Variants in BIVM observed in about 807,000 individuals in gnomAD.
BIVM encodes the protein basic, immunoglobulin-like variable motif containing.
Under a neutral mutation model 61.4 loss-of-function variants are expected in BIVM, and 31 were observed. That is an observed-to-expected ratio of 0.51 (90% CI 0.38 to 0.68). The LOEUF is 0.68. BIVM is among the 30% of genes least tolerant of loss of function. The probability of loss-of-function intolerance (pLI) is 0.00; values close to 1 mark genes in which losing one functional copy is unlikely to be tolerated. For missense variants in BIVM, 526 were observed against 596.0 expected (o/e 0.88, Z 1.22); for synonymous variants, 189 against 210.7 (o/e 0.90, Z 0.89).
At chr13:102,809,728 C>T (rs188209072) in intron 3 of BIVM, among the ~76,000 whole-genome samples, 19 of 151,952 alleles carry the variant, frequency 1.3e-4, no homozygotes, top group African/African-American at 3.9e-4. Context: ...AGTACATTTA[C>T]GTTGTTGTGC....
intron 3 of BIVM, among the ~76,000 whole-genome samples, chr13:102,809,255 A>G (rs980491950): frequency 2.6e-5 from 4 of 152,156 alleles, no homozygotes; most frequent in Non-Finnish European, 4.4e-5. Flanking sequence ...TTCCTTTGCA[A>G]TTTATTCTTT....
chr13:102,813,689 T>C (rs1456660389), intron 3 of BIVM, among the ~76,000 whole-genome samples: 1 of 152,166 alleles, frequency 6.6e-6, no homozygotes, highest in East Asian at 1.9e-4. Context: ...GCAACTCTGG[T>C]ATATTCCTTC....
intron 9 of BIVM, among the ~76,000 whole-genome samples, chr13:102,838,275 G>A (rs1033448809): frequency 3.9e-5 from 6 of 152,106 alleles, no homozygotes; most frequent in South Asian, 2.1e-4. Context: ...CTGCACAATT[G>A]TGTTGTCTCC....
intron 4 of BIVM, among the ~76,000 whole-genome samples, chr13:102,818,397 G>T (rs144680921): frequency 1.3e-5 from 2 of 152,274 alleles, no homozygotes; most frequent in East Asian, 1.9e-4. Flanking sequence ...AGCCATGGAC[G>T]ATTTCTTAAC....
intron 3 of BIVM, among the ~76,000 whole-genome samples, chr13:102,812,791 T>C (rs1879590463): frequency 6.6e-6 from 1 of 152,086 alleles, no homozygotes; most frequent in African/African-American, 2.4e-5. Context: ...GTTGCTTCTG[T>C]TGTAGTGGGA....
In BIVM at chr13:102,838,695, A is replaced by T; in HGVS notation, c.1174A>T (p.Ile392Phe). 1 of 1,613,722 alleles carries T rather than the reference A, an allele frequency of 6.2e-7. No individual in the cohort carries two copies. Among genetic ancestry groups the T allele is most frequent in the Non-Finnish European group, 8.5e-7 (1 of 1,179,736 alleles). ...LNTQNPEYLD[I>F]RHLERGLQYR... is the part of the protein sequence containing the mutation. ...CACTCAAAATCCAGAATACCTGGAT[A>T]TCCGGCACTTAGAGAGGGGACTGCA... is the stretch of plus-strand genomic sequence containing the variant. The change falls in exon 10 of 11, where the codon ATC becomes TTC. Residue 392 changes from isoleucine to phenylalanine, a missense_variant. Transcript: ENST00000257336.
chr13:102,831,641 T>C lies in BIVM; in HGVS notation c.978T>C (p.His326=), dbSNP rs34730033. Reference sequence around the variant, plus strand: ...CTTATATCTATCATTGCCAAAATCATTATTTTTGTCCAATTGGCTTCGAAG... The same window carrying C: ...CTTATATCTATCATTGCCAAAATCACTATTTTTGTCCAATTGGCTTCGAAG... ...SLAYIYHCQN[H]YFCPIGFEAT... Residue 326 remains histidine, a synonymous_variant, in exon 8 of 11, where the codon CAT becomes CAC. Transcript: ENST00000257336. 3.7e-3 allele frequency: 5,894 copies of C among 1,614,166 alleles called. 146 individuals carry two copies. In the African/African-American group the frequency reaches 0.063, roughly 17 times the overall value.
intron 3 of BIVM, among the ~76,000 whole-genome samples, chr13:102,809,825 G>T (rs1442766486): frequency 7.1e-6 from 1 of 140,378 alleles, no homozygotes; most frequent in African/African-American, 2.6e-5. Context: ...TCGCTCTGTC[G>T]CCCAGGCTGG....
chr13:102,813,283 T>C (rs1879625549), intron 3 of BIVM, among the ~76,000 whole-genome samples: 1 of 152,216 alleles, frequency 6.6e-6, no homozygotes, highest in Non-Finnish European at 1.5e-5. Flanking sequence ...TTGACCCTTT[T>C]ATCATTATGA....
rs555437044 is a variant in BIVM, at chr13:102,841,111, T to C, written c.*1246T>C. On this transcript the variant is annotated 3_prime_UTR_variant, in exon 11 of 11. Coordinates refer to ENST00000257336, the MANE Select transcript of BIVM (RefSeq NM_017693.4). ...AAATATTTCAGAAGTGTGAATTTCA[T>C]GTATTTGAGCTCCTCTAGTTGCTGT... is the stretch of plus-strand genomic sequence containing the variant. The C allele has an allele frequency of 2.0e-5, 3 of 152,652 alleles. No homozygotes were observed. The highest frequency in any genetic ancestry group is 4.4e-5 in the Non-Finnish European group (3 of 68,044). The allele number at this position is 152,652 out of a possible 1,614,324, so 9.5% of individuals were successfully genotyped here. A position where few individuals can be genotyped will look rare whatever the true frequency, so the allele number is the denominator to read the frequency against.
At chr13:102,818,194 G>C (rs1880003608) in intron 4 of BIVM, among the ~76,000 whole-genome samples, 1 of 152,194 alleles carries the variant, frequency 6.6e-6, no homozygotes, top group South Asian at 2.1e-4. Flanking sequence ...ATGAAGAGTA[G>C]AGTAGCTTGT....
In BIVM at chr13:102,807,375, CT is replaced by C. The variant is rs1481620732; in HGVS notation, c.109del (p.Cys37AlafsTer23). The C allele has an allele frequency of 2.5e-6, 4 of 1,614,200 alleles. No individual in the cohort carries two copies. The highest frequency in any genetic ancestry group is 3.4e-6 in the Non-Finnish European group (4 of 1,180,050). On this transcript the variant is annotated frameshift_variant, in exon 3 of 11. Transcript: ENST00000257336. LOFTEE classifies it high-confidence loss of function. The surrounding 1 kb of genome is among the most constrained non-coding windows in gnomAD (Gnocchi z 4.0). ...ENLQGAVKSF[C>X]TSASGAPLGP... Reference sequence around the variant, plus strand: ...ATCTACAAGGTGCTGTAAAATCTTTCTGCACAAGTGCCTCAGGAGCACCCTT... The same window carrying C: ...ATCTACAAGGTGCTGTAAAATCTTTCGCACAAGTGCCTCAGGAGCACCCTT...
chr13:102,822,203 G>GCA (rs762287096), intron 7 of BIVM, 44 bp downstream of exon 7: 256 of 1,519,756 alleles, frequency 1.7e-4, no homozygotes, highest in East Asian at 7.0e-4. Context: ...ATACACACAT[G>GCA]CACACACACA....
chr13:102,839,752 C>A lies in BIVM; in HGVS notation c.1399C>A (p.Arg467=). Residue 467 remains arginine, a synonymous_variant, in exon 11 of 11, where the codon CGG becomes AGG. Transcript: ENST00000257336. The part of the protein sequence containing the change: ...ISKKQHGRLG[R]SFSASFHQDS... ...CAAGAAGCAGCATGGGCGTCTGGGC[C>A]GGTCTTTCAGTGCTAGTTTCCATCA... The A allele has an allele frequency of 2.5e-6, 4 of 1,614,110 alleles. No individual in the cohort carries two copies. Among genetic ancestry groups the A allele is most frequent in the Non-Finnish European group, 3.4e-6 (4 of 1,180,042 alleles).
At chr13:102,816,274 G>T (rs1378356988) in intron 3 of BIVM, among the ~76,000 whole-genome samples, 154 bp from the exon 4 acceptor site, 1 of 152,206 alleles carries the variant, frequency 6.6e-6, no homozygotes, top group Non-Finnish European at 1.5e-5. Context: ...TTTAGAACCT[G>T]TGGCAGTTAT....
At chr13:102,838,963 C>G (rs529223160) in intron 10 of BIVM, among the ~76,000 whole-genome samples, 2 of 152,154 alleles carry the variant, frequency 1.3e-5, no homozygotes, top group Non-Finnish European at 2.9e-5. Context: ...ACAGCAAGGG[C>G]CAAGTAGCTG....
In BIVM at chr13:102,839,799, G is replaced by T. The variant is rs78150387; in HGVS notation, c.1446G>T (p.Met482Ile). The change falls in exon 11 of 11, where the codon ATG becomes ATT. Residue 482 changes from methionine to isoleucine, a missense_variant. Transcript: ENST00000257336. ...ATCAGGACTCGGCATGGAAAAAGAT[G>T]TCTAGTATCCATGAGAGAAGGAACA... ...SFHQDSAWKKMSSIHERRNSG... is the reference protein window; with the variant it reads ...SFHQDSAWKKISSIHERRNSG... 6.2e-7 allele frequency: 1 copy of T among 1,614,170 alleles called. No individual in the cohort carries two copies.
At chr13:102,838,134 A>G (rs916358387) in intron 9 of BIVM, among the ~76,000 whole-genome samples, 1 of 152,188 alleles carries the variant, frequency 6.6e-6, no homozygotes, top group Admixed American at 6.5e-5. Flanking sequence ...GATTTTTTTA[A>G]AATTTCATTT....
intron 1 of BIVM, among the ~76,000 whole-genome samples, chr13:102,802,248 G>A (rs1878794031): frequency 6.6e-6 from 1 of 152,168 alleles, no homozygotes; most frequent in Admixed American, 6.5e-5. Context: ...CTATAGCTCA[G>A]TATTGTCTAT....
Sources: gnomAD v4.1 joint callset for allele counts (sites outside exome capture counted in the v4.1 genomes callset) on GRCh38, gnomAD v4.1.1 for gene constraint, Gnocchi (gnomAD v3.1) non-coding constraint, MANE v1.5 for transcripts, NCBI Gene and HGNC (gene_info 2026-07-23, HGNC 2026-07-21) for gene names.